The following COBL variants were observed in gnomAD, a reference collection of about 807,000 sequenced individuals.
COBL encodes protein cordon-bleu.
In COBL, 51 loss-of-function variants were observed where a neutral mutation model predicts 98.8. That is an observed-to-expected ratio of 0.52 (90% CI 0.41 to 0.65). The LOEUF is 0.65. Ranked by LOEUF, COBL falls within the 30% of genes least tolerant of loss-of-function variation. The probability of loss-of-function intolerance (pLI) is 0.00; values close to 1 mark genes in which losing one functional copy is unlikely to be tolerated. For missense variants in COBL, 1,617 were observed against 1,617.5 expected (o/e 1.00, Z 0.01); for synonymous variants, 634 against 651.7 (o/e 0.97, Z 0.41).
At chr7:51,169,335 G>A (rs913148030) in intron 5 of COBL, among the ~76,000 whole-genome samples, 2 of 152,024 alleles carry the variant, frequency 1.3e-5, no homozygotes, top group Non-Finnish European at 2.9e-5. Flanking sequence ...GATGTATTAT[G>A]TCCCCCCAAA....
intron 1 of COBL, chr7:51,259,907 G>T: frequency 1.3e-6 from 1 of 755,236 alleles, no homozygotes; most frequent in Non-Finnish European, 2.4e-6. Flanking sequence ...TACAATAAAG[G>T]CCAAGGAATG....
chr7:51,065,113 C>T (rs1240022451), intron 7 of COBL: 1 of 690,994 alleles, frequency 1.4e-6, no homozygotes, highest in African/African-American at 1.8e-5. Flanking sequence ...AACAAGCACA[C>T]AGAGGATAGA....
chr7:51,082,907 C>T lies in COBL; in HGVS notation c.1096+2259G>A. 4.2e-6 allele frequency: 3 copies of T among 722,144 alleles called. No individual in the cohort carries two copies. In the South Asian group the frequency reaches 5.0e-5, roughly 12 times the overall value. The allele number at this position is 722,144 out of a possible 1,614,324, so 44.7% of individuals were successfully genotyped here. The stretch of plus-strand genomic sequence containing the variant: ...AGTGTGTTCTCTGTGAAATCAGACA[C>T]ACTGCATTCAGCATTGGGAAACAAG... On this transcript the variant is annotated intron_variant, in intron 7 of 12. Transcript: ENST00000265136.
chr7:51,026,736 G>A (rs1787609123), intron 10 of COBL, 71 bp from the exon 11 acceptor site: 1 of 1,561,398 alleles, frequency 6.4e-7, no homozygotes, highest in Non-Finnish European at 8.7e-7. Context: ...CAGCTCATGA[G>A]AAAACCCACT....
intron 1 of COBL, among the ~76,000 whole-genome samples, chr7:51,313,793 A>G (rs1005190756): frequency 1.3e-5 from 2 of 152,244 alleles, no homozygotes; most frequent in African/African-American, 4.8e-5. Context: ...AAGTAAACAG[A>G]TAAAGTAGAG....
chr7:51,275,685 C>T (rs1218608870), intron 1 of COBL, among the ~76,000 whole-genome samples: 1 of 152,234 alleles, frequency 6.6e-6, no homozygotes, highest in Admixed American at 6.5e-5. Flanking sequence ...CCACCACCAG[C>T]CGTGACTGCT....
At chr7:51,156,102 T>A (rs1017012050) in intron 5 of COBL, among the ~76,000 whole-genome samples, 2 of 152,140 alleles carry the variant, frequency 1.3e-5, no homozygotes, top group Admixed American at 1.3e-4. Flanking sequence ...GAACAGAAAT[T>A]CATTGTGCTA....
chr7:51,255,702 A>G (rs1181506946), intron 1 of COBL, among the ~76,000 whole-genome samples: 1 of 152,140 alleles, frequency 6.6e-6, no homozygotes, highest in Non-Finnish European at 1.5e-5. Flanking sequence ...TAGGGTAGAG[A>G]GCAGAGACTC....
intron 8 of COBL, chr7:51,034,209 A>G (rs1788411607): frequency 6.6e-6 from 1 of 152,350 alleles, no homozygotes; most frequent in South Asian, 2.1e-4. Context: ...TTGCTCCCCC[A>G]CACTTCAGTG....
intron 1 of COBL, among the ~76,000 whole-genome samples, chr7:51,305,738 A>G (rs1481126711): frequency 6.6e-6 from 1 of 152,152 alleles, no homozygotes; most frequent in Non-Finnish European, 1.5e-5. Flanking sequence ...CGCTTAAAAC[A>G]TTGTACTCGA....
rs1178272355 is a variant in COBL at position 51,018,903 on chromosome 7, AAAATATATAT to A, written c.3769-1345_3769-1336del. 3.1e-4 allele frequency among the ~76,000 whole-genome samples: 18 copies of A among 57,206 alleles called. 3 individuals are homozygous for A. The East Asian group carries it at 3.7e-3, about 12-fold the overall frequency. The allele number at this position is 57,206 out of a possible 152,430, so 37.5% of individuals were successfully genotyped here. Reference sequence around the variant, plus strand: ...AGAAACTCCATCTCAAAAAAAAAAAAAAATATATATATATATATATATATATATATATATA... The same window carrying A: ...AGAAACTCCATCTCAAAAAAAAAAAAATATATATATATATATATATATATA... On this transcript the variant is annotated intron_variant, in intron 12 of 12. Transcript: ENST00000265136.
At chr7:51,087,740 C>T (rs1794416747) in intron 6 of COBL, among the ~76,000 whole-genome samples, 1 of 146,988 alleles carries the variant, frequency 6.8e-6, no homozygotes, top group African/African-American at 2.5e-5. Context: ...TCCCGAATTG[C>T]TGGGATTACA....
At chr7:51,141,032 C>T (rs994818249) in intron 5 of COBL, among the ~76,000 whole-genome samples, 5 of 151,860 alleles carry the variant, frequency 3.3e-5, no homozygotes, top group African/African-American at 1.2e-4. Context: ...CAAAAAGGGG[C>T]TTGGTGTACT....
chr7:51,294,295 C>CATAAATAAATAA (rs201170093), intron 1 of COBL, among the ~76,000 whole-genome samples: 1,443 of 138,930 alleles, frequency 0.01, 11 homozygotes, highest in African/African-American at 0.03. Context: ...CATCTCAAAA[C>CATAAATAAATAA]ATAAATAAAT....
At chr7:51,178,485 CTT>C (rs1356363307) in intron 5 of COBL, among the ~76,000 whole-genome samples, 2 of 151,970 alleles carry the variant, frequency 1.3e-5, no homozygotes, top group African/African-American at 4.8e-5. Context: ...TTGTTTTTCT[CTT>C]TTGAACAGGG....
chr7:51,167,398 T>G (rs1297869827), intron 5 of COBL, among the ~76,000 whole-genome samples: 1 of 152,000 alleles, frequency 6.6e-6, no homozygotes, highest in Non-Finnish European at 1.5e-5. Context: ...AAGTGAAAGA[T>G]CTCTATAATT....
intron 6 of COBL, among the ~76,000 whole-genome samples, chr7:51,098,667 A>G (rs1275028662): frequency 1.3e-5 from 2 of 152,202 alleles, no homozygotes; most frequent in African/African-American, 4.8e-5. Flanking sequence ...AGAAGAAAAC[A>G]TAGAGGGAAA....
At chr7:51,253,887 T>C (rs951505612) in intron 1 of COBL, among the ~76,000 whole-genome samples, 10 of 152,212 alleles carry the variant, frequency 6.6e-5, no homozygotes, top group African/African-American at 2.4e-4. Flanking sequence ...GATTCCTTTG[T>C]TTCTGTTTTT....
intron 7 of COBL, among the ~76,000 whole-genome samples, chr7:51,049,620 T>C (rs1562843893): frequency 6.6e-6 from 1 of 152,194 alleles, no homozygotes; most frequent in Non-Finnish European, 1.5e-5. Context: ...GGGTCACTCA[T>C]TCTAATTAGA....
Sources: allele counts gnomAD v4.1 joint callset (sites outside exome capture counted in the v4.1 genomes callset), GRCh38; gene constraint gnomAD v4.1.1; transcripts MANE v1.5; gene names NCBI Gene and HGNC (gene_info 2026-07-23, HGNC 2026-07-21).